Variants in BARX2 observed in about 807,000 individuals in gnomAD.
The protein encoded by BARX2 is BARX homeobox 2.
A neutral mutation model predicts 25.5 loss-of-function variants in BARX2; 11 were observed. That is an observed-to-expected ratio of 0.43 (90% CI 0.27 to 0.71). The LOEUF is 0.71. Among genes scored for constraint, BARX2 ranks in the 30% least tolerant of loss-of-function variants. BARX2 has a pLI of 0.19. For synonymous variants in BARX2, 137 were observed against 149.5 expected, an observed-to-expected ratio of 0.92 and a Z score of 0.61; for missense variants, 360 against 359.9, an observed-to-expected ratio of 1.00 and a Z score of 0.00.
intron 3 of BARX2, among the ~76,000 whole-genome samples, chr11:129,446,489 CTG>C (rs1233169703): frequency 6.6e-6 from 1 of 152,162 alleles, no homozygotes; most frequent in African/African-American, 2.4e-5. Flanking sequence ...GAGCTAATCT[CTG>C]TAAAACACGT....
At chr11:129,381,831 G>A (rs1328794759) in intron 1 of BARX2, among the ~76,000 whole-genome samples, 2 of 152,146 alleles carry the variant, frequency 1.3e-5, no homozygotes, top group African/African-American at 4.8e-5. Flanking sequence ...AGTAAGAGTG[G>A]GTTTCTTTGA....
intron 1 of BARX2, among the ~76,000 whole-genome samples, chr11:129,378,840 C>A (rs1167506471): frequency 2.1e-5 from 3 of 142,210 alleles, no homozygotes; most frequent in East Asian, 4.0e-4. Flanking sequence ...AAAACTACAG[C>A]ATTAAAAAAA....
intron 1 of BARX2, among the ~76,000 whole-genome samples, chr11:129,394,224 C>T (rs778252532): frequency 1.3e-5 from 2 of 152,166 alleles, no homozygotes; most frequent in South Asian, 2.1e-4. Flanking sequence ...TGTGTACCTA[C>T]GGTTCACTCA....
intron 3 of BARX2, among the ~76,000 whole-genome samples, chr11:129,449,480 G>A (rs1229821468): frequency 6.6e-6 from 1 of 152,182 alleles, no homozygotes; most frequent in East Asian, 1.9e-4. Flanking sequence ...TGCTAATCCA[G>A]GTCCTCTGGA....
intron 1 of BARX2, among the ~76,000 whole-genome samples, chr11:129,414,695 G>A (rs1280725588): frequency 6.6e-6 from 1 of 152,192 alleles, no homozygotes; most frequent in Admixed American, 6.5e-5. Flanking sequence ...AGAGCCTGTT[G>A]ATGGCTCTGT....
At chr11:129,382,319 C>G (rs1861573639) in intron 1 of BARX2, among the ~76,000 whole-genome samples, 1 of 152,144 alleles carries the variant, frequency 6.6e-6, no homozygotes, top group Non-Finnish European at 1.5e-5. Context: ...GCTGGGACTA[C>G]AGACATGTGC....
chr11:129,392,488 A>G (rs957248234), intron 1 of BARX2, among the ~76,000 whole-genome samples: 8 of 152,224 alleles, frequency 5.3e-5, no homozygotes, highest in African/African-American at 1.7e-4. Context: ...TTCTTACTCC[A>G]AATCACAGAT....
chr11:129,382,424 C>T (rs951505147), intron 1 of BARX2, among the ~76,000 whole-genome samples: 1 of 152,130 alleles, frequency 6.6e-6, no homozygotes, highest in Non-Finnish European at 1.5e-5. Context: ...GGTGATCTGC[C>T]CGCTTTGGCC....
At position 129,416,299 on chromosome 11, in the gene BARX2, G is replaced by T. The variant is rs543618643; in HGVS notation, c.188-20452G>T. ...CAGTGGTTGTTGAGGAGTGAGGAGG[G>T]TGTGGCTAGGGGGCGGAGGTGGGAA... On this transcript the variant is annotated intron_variant, in intron 1 of 3. Transcript: ENST00000281437. Among the ~76,000 whole-genome samples the T allele has an allele frequency of 3.1e-4, 47 of 152,296 alleles. No individual in the cohort carries two copies. The South Asian group carries it at 9.5e-3, about 31-fold the overall frequency.
intron 1 of BARX2, among the ~76,000 whole-genome samples, chr11:129,432,845 C>T (rs1442638554): frequency 6.6e-6 from 1 of 152,106 alleles, no homozygotes; most frequent in Non-Finnish European, 1.5e-5. Context: ...TTGGGGATGC[C>T]AAGGGACATG....
At chr11:129,413,934 C>T (rs1375962630) in intron 1 of BARX2, among the ~76,000 whole-genome samples, 4 of 151,924 alleles carry the variant, frequency 2.6e-5, no homozygotes, top group Non-Finnish European at 5.9e-5. Context: ...GGCGTGGTGG[C>T]GGGCGCCTGT....
chr11:129,383,654 T>G (rs1457970892), intron 1 of BARX2, among the ~76,000 whole-genome samples: 1 of 152,082 alleles, frequency 6.6e-6, no homozygotes, highest in African/African-American at 2.4e-5. Context: ...CCTGGCAGAG[T>G]GCACACAGAT....
At chr11:129,416,049 C>T (rs1861939815) in intron 1 of BARX2, among the ~76,000 whole-genome samples, 1 of 152,152 alleles carries the variant, frequency 6.6e-6, no homozygotes. Context: ...TCATCTTTGA[C>T]TTTTATAGGA....
At chr11:129,419,210 A>G (rs1391937941) in intron 1 of BARX2, among the ~76,000 whole-genome samples, 2 of 151,864 alleles carry the variant, frequency 1.3e-5, no homozygotes, top group African/African-American at 4.9e-5. Context: ...AACTGGGTAA[A>G]TACTTACCCT....
intron 1 of BARX2, among the ~76,000 whole-genome samples, chr11:129,428,012 G>A (rs1565519014): frequency 6.6e-6 from 1 of 152,174 alleles, no homozygotes; most frequent in Non-Finnish European, 1.5e-5. Flanking sequence ...TTCTCAAAAA[G>A]GCCGAACATT....
At chr11:129,429,640 A>G (rs191590537) in intron 1 of BARX2, among the ~76,000 whole-genome samples, 113 of 152,288 alleles carry the variant, frequency 7.4e-4, no homozygotes, top group African/African-American at 2.6e-3. Flanking sequence ...ACTCCCTAAA[A>G]CCCCACAATC....
intron 1 of BARX2, among the ~76,000 whole-genome samples, chr11:129,403,067 T>C (rs1861794217): frequency 6.6e-6 from 1 of 152,244 alleles, no homozygotes; most frequent in Non-Finnish European, 1.5e-5. Context: ...ACTAATGGTG[T>C]CCTTGAAAGA....
At chr11:129,383,617 T>C (rs1009037128) in intron 1 of BARX2, among the ~76,000 whole-genome samples, 1 of 152,156 alleles carries the variant, frequency 6.6e-6, no homozygotes, top group African/African-American at 2.4e-5. Context: ...AGTTGAGAAG[T>C]CTGGAGGGCA....
At position 129,419,964 on chromosome 11, in the gene BARX2, A is replaced by G. The variant is rs1861986029; in HGVS notation, c.188-16787A>G. On this transcript the variant is annotated intron_variant, in intron 1 of 3. Transcript: ENST00000281437. ...TCTGGCTAATTTTTGCATTTTTAGT[A>G]GAAATGAGGTCTCACCATGTTGGCC... Among the ~76,000 whole-genome samples, 3 of 151,956 alleles carry G rather than the reference A, an allele frequency of 2.0e-5. No homozygotes were observed. The South Asian group carries it at 6.2e-4, about 32-fold the overall frequency.
Sources: gnomAD v4.1 joint callset for allele counts (sites outside exome capture counted in the v4.1 genomes callset) on GRCh38, gnomAD v4.1.1 for gene constraint, MANE v1.5 for transcripts, NCBI Gene and HGNC (gene_info 2026-07-23, HGNC 2026-07-21) for gene names.